SPATA6: variants seen among roughly 807,000 people sequenced by gnomAD.
SPATA6 encodes spermatogenesis-associated protein 6.
SPATA6 carries 56 observed loss-of-function variants against 65.3 expected under a neutral mutation model. The observed-to-expected ratio is 0.86, with a 90% confidence interval of 0.69 to 1.07. SPATA6 has a LOEUF of 1.07. Ranked by LOEUF, SPATA6 falls within the 50% of genes least tolerant of loss-of-function variation. The pLI, the probability that SPATA6 is intolerant of heterozygous loss-of-function variation, is 0.00. For missense variants in SPATA6, 590 were observed against 594.8 expected, an observed-to-expected ratio of 0.99 and a Z score of 0.08; for synonymous variants, 199 against 213.2, an observed-to-expected ratio of 0.93 and a Z score of 0.58.
chr1:48,270,826 G>T, the SPATA6 span, among the ~76,000 whole-genome samples: 1 of 151,770 alleles, frequency 6.6e-6, no homozygotes, highest in African/African-American at 2.4e-5. Flanking sequence ...AGGCTCCTCA[G>T]CTTGAATGCA....
chr1:48,367,483 T>G (rs1368366044), intron 9 of SPATA6, among the ~76,000 whole-genome samples: 8 of 152,226 alleles, frequency 5.3e-5, no homozygotes, highest in Admixed American at 5.2e-4. Flanking sequence ...CATGCTCCTG[T>G]ATTTGGTGCA....
chr1:48,430,691 T>C (rs1488585139), intron 3 of SPATA6, among the ~76,000 whole-genome samples: 1 of 152,136 alleles, frequency 6.6e-6, no homozygotes, highest in Non-Finnish European at 1.5e-5. Flanking sequence ...GCACACAAAG[T>C]ATAAACATGT....
intron 3 of SPATA6, among the ~76,000 whole-genome samples, chr1:48,447,214 T>G: frequency 6.6e-6 from 1 of 152,242 alleles, no homozygotes; most frequent in East Asian, 1.9e-4. Context: ...GGTAAGCTTT[T>G]GGGGGAGTCA....
At chr1:48,359,107 A>C (rs149343226) in intron 10 of SPATA6, among the ~76,000 whole-genome samples, 6 of 152,330 alleles carry the variant, frequency 3.9e-5, no homozygotes, top group African/African-American at 1.4e-4. Flanking sequence ...TCTGGTTGCC[A>C]TAGCATTTTT....
At chr1:48,350,933 G>C (rs1646498937) in intron 11 of SPATA6, among the ~76,000 whole-genome samples, 1 of 151,828 alleles carries the variant, frequency 6.6e-6, no homozygotes, top group Admixed American at 6.6e-5. Flanking sequence ...GATTAAGATT[G>C]CATAAAATCT....
At chr1:48,362,741 A>G (rs1357486620) in intron 9 of SPATA6, among the ~76,000 whole-genome samples, 1 of 152,178 alleles carries the variant, frequency 6.6e-6, no homozygotes, top group African/African-American at 2.4e-5. Context: ...AATCAAAGCC[A>G]TAAGTAGAGG....
rs993429458 is a variant in SPATA6, at chr1:48,405,765, A to G, written c.406-1883T>C. Among the ~76,000 whole-genome samples, 10 of 152,240 alleles carry G rather than the reference A, an allele frequency of 6.6e-5. No homozygotes were observed. In the South Asian group the frequency reaches 1.9e-3, roughly 28 times the overall value. On this transcript the variant is annotated intron_variant, in intron 5 of 12. Coordinates refer to ENST00000371847, the MANE Select transcript of SPATA6 (RefSeq NM_019073.4). Reference sequence around the variant, plus strand: ...CACTAAGTATAATCCAAACTCAATGACAGAGTAGTTAGGCTACCTTTTCAA... The same window carrying G: ...CACTAAGTATAATCCAAACTCAATGGCAGAGTAGTTAGGCTACCTTTTCAA...
At chr1:48,352,791 A>C (rs994929546) in intron 11 of SPATA6, among the ~76,000 whole-genome samples, 1 of 151,962 alleles carries the variant, frequency 6.6e-6, no homozygotes, top group African/African-American at 2.4e-5. Flanking sequence ...TCAAATAGCA[A>C]ATCTTACATG....
intron 11 of SPATA6, among the ~76,000 whole-genome samples, chr1:48,347,544 T>G (rs1646404978): frequency 6.8e-6 from 1 of 147,696 alleles, no homozygotes; most frequent in South Asian, 2.1e-4. Context: ...AGTAATTAAT[T>G]ATATAATTAA....
intron 5 of SPATA6, among the ~76,000 whole-genome samples, chr1:48,406,778 C>T (rs922958863): frequency 1.3e-5 from 2 of 152,176 alleles, no homozygotes; most frequent in African/African-American, 2.4e-5. Context: ...TACAAGTTTA[C>T]ATTAATCTAC....
chr1:48,435,015 T>C (rs1220572627), intron 3 of SPATA6, among the ~76,000 whole-genome samples: 4 of 151,054 alleles, frequency 2.6e-5, no homozygotes, highest in African/African-American at 9.7e-5. Flanking sequence ...TAAATTATAA[T>C]ACATATAGTT....
chr1:48,267,792 C>T, the SPATA6 span, among the ~76,000 whole-genome samples: 2 of 121,018 alleles, frequency 1.7e-5, no homozygotes, highest in Non-Finnish European at 3.2e-5. Context: ...TGGAGTCTCG[C>T]TCTGTGGCCC....
At chr1:48,399,845 T>C (rs1271320663) in intron 6 of SPATA6, among the ~76,000 whole-genome samples, 4 of 151,970 alleles carry the variant, frequency 2.6e-5, no homozygotes, top group African/African-American at 9.7e-5. Context: ...GTTATTAAAG[T>C]ACACTGTCTC....
At position 48,298,476 on chromosome 1, in the gene SPATA6, T is replaced by C. The variant is rs937852545; in HGVS notation, c.*237A>G. 4.0e-5 allele frequency: 14 copies of C among 353,098 alleles called. No individual in the cohort carries two copies. Among genetic ancestry groups the C allele is most frequent in the Non-Finnish European group, 7.1e-5 (14 of 197,760 alleles). The allele number at this position is 353,098 out of a possible 1,614,324, so 21.9% of individuals were successfully genotyped here. A position where few individuals can be genotyped will look rare whatever the true frequency, so the allele number is the denominator to read the frequency against. On this transcript the variant is annotated 3_prime_UTR_variant, in exon 13 of 13. Transcript: ENST00000371847. Reference sequence around the variant, plus strand: ...AATATCCTTGTCACATATTGGAAGTTGTGATTGTGTGACAGAGCTCTAATG... The same window carrying C: ...AATATCCTTGTCACATATTGGAAGTCGTGATTGTGTGACAGAGCTCTAATG...
chr1:48,443,604 A>C (rs961228047), intron 3 of SPATA6, among the ~76,000 whole-genome samples: 5 of 152,236 alleles, frequency 3.3e-5, no homozygotes, highest in Non-Finnish European at 5.9e-5. Flanking sequence ...CTGCTGAGAA[A>C]GGAGGACTTT....
At chr1:48,448,316 G>A (rs1386237757) in intron 3 of SPATA6, among the ~76,000 whole-genome samples, 1 of 151,082 alleles carries the variant, frequency 6.6e-6, no homozygotes, top group Non-Finnish European at 1.5e-5. Context: ...AGGCAAAGTA[G>A]GTACAGGTTG....
intron 11 of SPATA6, among the ~76,000 whole-genome samples, chr1:48,311,635 A>G (rs1645211802): frequency 6.6e-6 from 1 of 152,230 alleles, no homozygotes; most frequent in African/African-American, 2.4e-5. Context: ...ACAGCTCCCA[A>G]CGTGAGCGAC....
chr1:48,328,890 TAC>T (rs1645839645), intron 11 of SPATA6, among the ~76,000 whole-genome samples: 1 of 152,176 alleles, frequency 6.6e-6, no homozygotes. Context: ...ATTAATTTTG[TAC>T]AGTGTTTTCT....
At chr1:48,357,070 A>G (rs1300361896) in intron 10 of SPATA6, among the ~76,000 whole-genome samples, 1 of 152,146 alleles carries the variant, frequency 6.6e-6, no homozygotes, top group Non-Finnish European at 1.5e-5. Context: ...TGATACTATT[A>G]GAGGATCCAC....
Sources: gnomAD v4.1 joint callset for allele counts (sites outside exome capture counted in the v4.1 genomes callset) on GRCh38, gnomAD v4.1.1 for gene constraint, MANE v1.5 for transcripts, NCBI Gene and HGNC (gene_info 2026-07-23, HGNC 2026-07-21) for gene names.